The following BRINP3 variants were observed in gnomAD, a reference collection of about 807,000 sequenced individuals.
BRINP3 encodes BMP/retinoic acid inducible neural specific 3, also known as BMP/retinoic acid-inducible neural-specific protein 3.
BRINP3 carries 19 observed loss-of-function variants against 71.0 expected under a neutral mutation model. The observed-to-expected ratio is 0.27, with a 90% CI of 0.19 to 0.39. The LOEUF (loss-of-function observed/expected upper bound fraction) is 0.39. BRINP3 is among the 10% of genes least tolerant of loss of function. BRINP3 has a pLI of 1.00. For synonymous variants in BRINP3, 380 were observed against 337.7 expected, an observed-to-expected ratio of 1.13 and a Z score of -1.37; for missense variants, 959 against 940.8, an observed-to-expected ratio of 1.02 and a Z score of -0.25.
intron 2 of BRINP3, among the ~76,000 whole-genome samples, chr1:190,411,272 T>C (rs990883876): frequency 2.6e-5 from 4 of 152,072 alleles, no homozygotes; most frequent in Non-Finnish European, 5.9e-5. Context: ...GGAAACTGAA[T>C]ACCTACCTCA....
intron 2 of BRINP3, among the ~76,000 whole-genome samples, chr1:190,453,203 A>ATTTTTTTTTTT (rs1190785225): frequency 0.013 from 536 of 40,894 alleles, 170 homozygotes; most frequent in South Asian, 0.017. Context: ...AAACTTTAGT[A>ATTTTTTTTTTT]TTTTTTTTTT....
At chr1:190,453,649 T>G (rs1044419152) in intron 2 of BRINP3, among the ~76,000 whole-genome samples, 8 of 152,218 alleles carry the variant, frequency 5.3e-5, no homozygotes, top group African/African-American at 1.7e-4. Flanking sequence ...TTCATGGAAC[T>G]TGCTCAGGAC....
intron 4 of BRINP3, among the ~76,000 whole-genome samples, chr1:190,254,209 C>T (rs2102828368): frequency 6.6e-6 from 1 of 152,050 alleles, no homozygotes; most frequent in Admixed American, 6.6e-5. Context: ...GTGATGCCTC[C>T]AGCTTTGTTC....
At chr1:190,196,730 TG>T (rs1378755086) in intron 6 of BRINP3, among the ~76,000 whole-genome samples, 1 of 151,798 alleles carries the variant, frequency 6.6e-6, no homozygotes, top group African/African-American at 2.4e-5. Context: ...TTACCCTTTG[TG>T]TTTTAGAAAC....
chr1:190,471,833 G>T (rs1332897560), intron 1 of BRINP3, among the ~76,000 whole-genome samples: 3 of 151,374 alleles, frequency 2.0e-5, no homozygotes, highest in African/African-American at 4.8e-5. Context: ...ACCCCAAACT[G>T]AATAAAAGCA....
At chr1:190,391,791 G>A (rs905334696) in intron 2 of BRINP3, among the ~76,000 whole-genome samples, 2 of 151,658 alleles carry the variant, frequency 1.3e-5, no homozygotes, top group African/African-American at 4.8e-5. Flanking sequence ...CAGATTATTA[G>A]TGTCAGTGCT....
intron 6 of BRINP3, among the ~76,000 whole-genome samples, chr1:190,187,771 T>C (rs530555957): frequency 6.6e-6 from 1 of 152,206 alleles, no homozygotes; most frequent in Admixed American, 6.5e-5. Context: ...TGTTTTTCTT[T>C]TTTTTCTACA....
At chr1:190,238,731 C>A (rs1384106451) in intron 4 of BRINP3, among the ~76,000 whole-genome samples, 1 of 152,070 alleles carries the variant, frequency 6.6e-6, no homozygotes, top group Non-Finnish European at 1.5e-5. Context: ...TTGAAAGTAT[C>A]TACATAAGTA....
chr1:190,161,672 G>C (rs1650975852), intron 6 of BRINP3, among the ~76,000 whole-genome samples: 1 of 151,892 alleles, frequency 6.6e-6, no homozygotes, highest in African/African-American at 2.4e-5. Context: ...TAATAAAGAA[G>C]AGCTAATAAA....
At chr1:190,375,299 A>G (rs928330486) in intron 2 of BRINP3, among the ~76,000 whole-genome samples, 2 of 151,860 alleles carry the variant, frequency 1.3e-5, no homozygotes, top group African/African-American at 2.4e-5. Context: ...ACATATAAAT[A>G]TATGTGTGTA....
chr1:190,226,107 A>C lies in BRINP3; in HGVS notation c.936T>G (p.Ala312=). 6.2e-7 allele frequency: 1 copy of C among 1,603,180 alleles called. No homozygotes were observed. Among genetic ancestry groups the C allele is most frequent in the Non-Finnish European group, 8.5e-7 (1 of 1,173,712 alleles). Residue 312 remains alanine (A), a synonymous_variant, in exon 6 of 8, where the codon GCT becomes GCG. Coordinates refer to ENST00000367462, the MANE Select transcript of BRINP3 (RefSeq NM_199051.3). ...NLLRITETWK[A]YNSDFEESDE... is the part of the protein sequence containing the mutation. ...CTGATTCCTCAAAGTCACTGTTGTA[A>C]GCTTTCCAGGTTTCAGTTATTCGAA...
At chr1:190,160,636 C>T in intron 7 of BRINP3, 32 bp downstream of exon 7, 2 of 1,577,536 alleles carry the variant, frequency 1.3e-6, no homozygotes, top group Non-Finnish European at 1.7e-6. Flanking sequence ...CGGCAATAAA[C>T]TTAATTGCTT....
chr1:190,271,809 A>G (rs1662135735), intron 3 of BRINP3, among the ~76,000 whole-genome samples: 1 of 151,562 alleles, frequency 6.6e-6, no homozygotes, highest in Admixed American at 6.6e-5. Flanking sequence ...CAATTGAGCC[A>G]TACTTCACCC....
rs560876942 is a variant in BRINP3, at chr1:190,337,976, T to C, written c.237-56226A>G. ...GTCCTGTCACATATGAAAGATATTT[T>C]GCTTGGTGTTGACTTAATTTCTTCA... On this transcript the variant is annotated intron_variant, in intron 2 of 7. Transcript: ENST00000367462. 1.6e-4 allele frequency among the ~76,000 whole-genome samples: 25 copies of C among 152,180 alleles called. No individual in the cohort carries two copies. The South Asian group carries it at 1.9e-3, about 11-fold the overall frequency.
rs556586713 is a variant in BRINP3 at position 190,447,013 on chromosome 1, C to T, written c.236+7642G>A. On this transcript the variant is annotated intron_variant, in intron 2 of 7. Coordinates refer to ENST00000367462, the MANE Select transcript of BRINP3 (RefSeq NM_199051.3). ...CAGAAAGATGAAAAAGTTCTGTCTT[C>T]CATGTATTCATAATTTAAGTTAGAA... 2.0e-5 allele frequency among the ~76,000 whole-genome samples: 3 copies of T among 151,808 alleles called. No homozygotes were observed. In the South Asian group the frequency reaches 6.2e-4, roughly 31 times the overall value.
chr1:190,277,485 T>A lies in BRINP3; in HGVS notation c.427+4075A>T, dbSNP rs1470947929. On this transcript the variant is annotated intron_variant, in intron 3 of 7. Transcript: ENST00000367462. ...TAAAATTTCTATAAATATTTTGTTA[T>A]AACATTTAATACATTTTTAATGAAT... 4.6e-5 allele frequency among the ~76,000 whole-genome samples: 7 copies of A among 151,668 alleles called. 1 individual carries two copies. Among genetic ancestry groups the A allele is most frequent in the African/African-American group, 1.7e-4 (7 of 41,350 alleles).
intron 2 of BRINP3, among the ~76,000 whole-genome samples, chr1:190,428,379 A>G (rs977642172): frequency 6.6e-6 from 1 of 152,128 alleles, no homozygotes; most frequent in Non-Finnish European, 1.5e-5. Context: ...CAGGAAAAGG[A>G]TGCCTTCTAG....
intron 4 of BRINP3, among the ~76,000 whole-genome samples, chr1:190,255,779 C>T (rs571784767): frequency 6.6e-6 from 1 of 152,122 alleles, no homozygotes; most frequent in African/African-American, 2.4e-5. Context: ...TCTCTCTCTC[C>T]TTCAGTTCTG....
chr1:190,469,842 T>C (rs547249411), intron 1 of BRINP3, among the ~76,000 whole-genome samples: 1 of 151,218 alleles, frequency 6.6e-6, no homozygotes, highest in South Asian at 2.1e-4. Flanking sequence ...CCAATCATAC[T>C]CAACCTTCAT....
Sources: allele counts gnomAD v4.1 joint callset (sites outside exome capture counted in the v4.1 genomes callset), GRCh38; gene constraint gnomAD v4.1.1; transcripts MANE v1.5; gene names NCBI Gene and HGNC (gene_info 2026-07-23, HGNC 2026-07-21).